KCNAB1: variants seen among roughly 807,000 people sequenced by gnomAD.
The protein encoded by KCNAB1 is potassium voltage-gated channel subfamily A regulatory beta subunit 1.
A neutral mutation model predicts 64.6 loss-of-function variants in KCNAB1; 35 were observed. The observed-to-expected ratio is 0.54, with a 90% confidence interval of 0.41 to 0.72. The LOEUF (loss-of-function observed/expected upper bound fraction) is 0.72. Ranked by LOEUF, KCNAB1 falls within the 30% of genes least tolerant of loss-of-function variation. The probability of loss-of-function intolerance (pLI) is 0.00; values close to 1 mark genes in which losing one functional copy is unlikely to be tolerated. For synonymous variants in KCNAB1, 177 were observed against 183.8 expected (o/e 0.96, Z 0.30); for missense variants, 401 against 512.9 (o/e 0.78, Z 2.11).
intron 1 of KCNAB1, among the ~76,000 whole-genome samples, chr3:156,223,759 A>T (rs13079160): frequency 0.11 from 17,177 of 152,268 alleles, 1,224 homozygotes; most frequent in Non-Finnish European, 0.16. Flanking sequence ...TGAGCTAGAT[A>T]CAGGGTGCTG....
At chr3:156,395,624 T>C (rs919871411) in intron 1 of KCNAB1, among the ~76,000 whole-genome samples, 1 of 140,452 alleles carries the variant, frequency 7.1e-6, no homozygotes, top group African/African-American at 2.6e-5. Context: ...GGTTCCAACG[T>C]ACTGTTTTCA....
At chr3:156,121,419 A>G (rs1713338770) in intron 1 of KCNAB1, among the ~76,000 whole-genome samples, 1 of 152,172 alleles carries the variant, frequency 6.6e-6, no homozygotes, top group African/African-American at 2.4e-5. Flanking sequence ...TAAGACAGAT[A>G]ACATCAGGAG....
At chr3:156,317,447 TTTCAC>T (rs1722352921) in intron 1 of KCNAB1, among the ~76,000 whole-genome samples, 1 of 152,180 alleles carries the variant, frequency 6.6e-6, no homozygotes, top group South Asian at 2.1e-4. Flanking sequence ...GTTAATTGTC[TTTCAC>T]TTGAGTAATG....
intron 11 of KCNAB1, among the ~76,000 whole-genome samples, chr3:156,523,579 C>A (rs561261528): frequency 6.6e-6 from 1 of 152,246 alleles, no homozygotes; most frequent in African/African-American, 2.4e-5. Flanking sequence ...AGGGTTATAA[C>A]AACTTCTGTG....
intron 8 of KCNAB1, among the ~76,000 whole-genome samples, chr3:156,509,572 G>A (rs532946603): frequency 6.6e-6 from 1 of 152,288 alleles, no homozygotes; most frequent in East Asian, 1.9e-4. Context: ...TGGAGCCTGG[G>A]CCTGGATAGT....
chr3:156,141,602 C>T (rs375695037), intron 1 of KCNAB1, among the ~76,000 whole-genome samples: 10 of 151,876 alleles, frequency 6.6e-5, no homozygotes, highest in African/African-American at 2.4e-4. Context: ...ACCAATAGTT[C>T]ATTCCTTTTA....
intron 12 of KCNAB1, among the ~76,000 whole-genome samples, chr3:156,527,392 T>C (rs1453275872): frequency 6.6e-6 from 1 of 152,118 alleles, no homozygotes; most frequent in Non-Finnish European, 1.5e-5. Flanking sequence ...TTGCAGAGAG[T>C]AGACATGCAA....
chr3:156,301,778 A>G (rs943921236), intron 1 of KCNAB1, among the ~76,000 whole-genome samples: 7 of 152,228 alleles, frequency 4.6e-5, no homozygotes, highest in Admixed American at 1.3e-4. Flanking sequence ...GACATTTGCC[A>G]GAGAACTCCA....
chr3:156,153,716 T>A (rs1460290584), intron 1 of KCNAB1, among the ~76,000 whole-genome samples: 1 of 152,250 alleles, frequency 6.6e-6, no homozygotes, highest in Non-Finnish European at 1.5e-5. Flanking sequence ...ATTTCTGCTT[T>A]CAGAGTTGAA....
chr3:156,359,230 G>A (rs1218727909), intron 1 of KCNAB1, among the ~76,000 whole-genome samples: 17 of 152,140 alleles, frequency 1.1e-4, no homozygotes, highest in Admixed American at 1.1e-3. Context: ...TTTTTCCAGT[G>A]GTCACTCATC....
chr3:156,289,594 AT>A (rs1324192121), intron 1 of KCNAB1, among the ~76,000 whole-genome samples: 1 of 152,150 alleles, frequency 6.6e-6, no homozygotes, highest in Non-Finnish European at 1.5e-5. Context: ...TCCCAGACTT[AT>A]TTGTTCCTTT....
intron 1 of KCNAB1, among the ~76,000 whole-genome samples, chr3:156,305,031 G>T (rs1402279927): frequency 6.6e-6 from 1 of 151,680 alleles, no homozygotes; most frequent in Non-Finnish European, 1.5e-5. Flanking sequence ...TGGCATACTA[G>T]CTAAAGGGAC....
chr3:156,160,462 T>G (rs1716010121), intron 1 of KCNAB1, among the ~76,000 whole-genome samples: 1 of 152,188 alleles, frequency 6.6e-6, no homozygotes, highest in African/African-American at 2.4e-5. Flanking sequence ...TCTTTCTCCT[T>G]GCTCTCACCC....
At chr3:156,400,943 A>G (rs1713846439) in intron 1 of KCNAB1, among the ~76,000 whole-genome samples, 1 of 152,194 alleles carries the variant, frequency 6.6e-6, no homozygotes, top group African/African-American at 2.4e-5. Context: ...CCCTGCCTCT[A>G]TACCCTTAGA....
At chr3:156,213,919 C>T (rs1715161775) in intron 1 of KCNAB1, among the ~76,000 whole-genome samples, 1 of 151,992 alleles carries the variant, frequency 6.6e-6, no homozygotes, top group African/African-American at 2.4e-5. Flanking sequence ...ACTTTCAGGC[C>T]CATCCACTGT....
intron 2 of KCNAB1, among the ~76,000 whole-genome samples, chr3:156,450,122 A>G (rs1711885563): frequency 6.6e-6 from 1 of 152,230 alleles, no homozygotes; most frequent in Non-Finnish European, 1.5e-5. Flanking sequence ...TTTGTGCCCA[A>G]AGCAATTTCT....
At chr3:156,222,204 C>T (rs562454722) in intron 1 of KCNAB1, among the ~76,000 whole-genome samples, 3 of 152,128 alleles carry the variant, frequency 2.0e-5, no homozygotes, top group South Asian at 2.1e-4. Context: ...TGAGGACTCA[C>T]GTAAACTTAA....
chr3:156,175,624 C>T (rs1011541347), intron 1 of KCNAB1, among the ~76,000 whole-genome samples: 22 of 152,084 alleles, frequency 1.4e-4, no homozygotes, highest in African/African-American at 4.6e-4. Context: ...TCTCAAAAAA[C>T]AAAACAAAAC....
chr3:156,163,239 C>T (rs1360942104), intron 1 of KCNAB1, among the ~76,000 whole-genome samples: 1 of 152,158 alleles, frequency 6.6e-6, no homozygotes, highest in Non-Finnish European at 1.5e-5. Flanking sequence ...AGATATAAAA[C>T]AGCCTCATCA....
Sources: gnomAD v4.1 joint callset for allele counts (sites outside exome capture counted in the v4.1 genomes callset) on GRCh38, gnomAD v4.1.1 for gene constraint, MANE v1.5 for transcripts, NCBI Gene and HGNC (gene_info 2026-07-23, HGNC 2026-07-21) for gene names.